Variants in PCDH11X observed in about 807,000 individuals in gnomAD.
PCDH11X encodes the protein protocadherin-11 X-linked.
Under a neutral mutation model 53.3 loss-of-function variants are expected in PCDH11X, and 18 were observed. The ratio of observed to expected loss-of-function variants is 0.34; its 90% confidence interval spans 0.23 to 0.50. The LOEUF (loss-of-function observed/expected upper bound fraction) is 0.50. Among genes scored for constraint, PCDH11X ranks in the 20% least tolerant of loss-of-function variants. The pLI is 0.98. For missense variants in PCDH11X, 570 were observed against 1,032.4 expected, an observed-to-expected ratio of 0.55 and a Z score of 6.14; for synonymous variants, 279 against 393.3, an observed-to-expected ratio of 0.71 and a Z score of 3.44.
chrX:92,110,367 A>G (rs1323366208), intron 6 of PCDH11X, among the ~76,000 whole-genome samples: 1 of 108,114 alleles, frequency 9.2e-6, no homozygotes, highest in African/African-American at 3.4e-5. Context: ...ATTTCAGTAG[A>G]CACTGTCAAC....
intron 10 of PCDH11X, among the ~76,000 whole-genome samples, chrX:92,484,553 A>G (rs748719638): frequency 9.2e-6 from 1 of 109,181 alleles, no homozygotes; most frequent in East Asian, 2.9e-4. Context: ...ACTCAGGCAT[A>G]AAAAGGAACA....
chrX:92,364,897 T>C (rs1362788252), intron 8 of PCDH11X, among the ~76,000 whole-genome samples: 2 of 60,012 alleles, frequency 3.3e-5, no homozygotes, highest in East Asian at 9.7e-4. Flanking sequence ...CTGGGAAACA[T>C]AAGAAGACCC....
At chrX:92,582,823 T>C (rs75479175) in intron 10 of PCDH11X, among the ~76,000 whole-genome samples, 28,831 of 107,317 alleles carry the variant, frequency 0.27, 3,487 homozygotes, top group Non-Finnish European at 0.34. Context: ...CTGACCAAGA[T>C]TATGGGAACT....
intron 10 of PCDH11X, among the ~76,000 whole-genome samples, chrX:92,488,131 A>G (rs1269561398): frequency 3.6e-5 from 4 of 110,127 alleles, no homozygotes; most frequent in Non-Finnish European, 7.6e-5. Flanking sequence ...ATCATATAGC[A>G]TAATGATATC....
intron 9 of PCDH11X, among the ~76,000 whole-genome samples, chrX:92,431,838 G>A (rs1023206410): frequency 7.9e-4 from 86 of 108,694 alleles, no homozygotes; most frequent in African/African-American, 2.8e-3. Context: ...ACTTAGACAA[G>A]GTTAAAATCT....
At chrX:92,069,408 C>A (rs1470494056) in intron 6 of PCDH11X, among the ~76,000 whole-genome samples, 1 of 109,883 alleles carries the variant, frequency 9.1e-6, no homozygotes, top group African/African-American at 3.3e-5. Context: ...ATTGGGTCTT[C>A]TTTTGTTTAA....
intron 6 of PCDH11X, among the ~76,000 whole-genome samples, chrX:92,064,521 AATAAATAG>A (rs1324784948): frequency 2.2e-4 from 23 of 105,208 alleles, no homozygotes; most frequent in African/African-American, 7.1e-4. Context: ...TAAATAAATA[AATAAATAG>A]TTTTGTCATG....
intron 6 of PCDH11X, among the ~76,000 whole-genome samples, chrX:91,930,737 A>G (rs1342071339): frequency 1.8e-4 from 18 of 102,815 alleles, no homozygotes; most frequent in Non-Finnish European, 3.6e-4. Flanking sequence ...TCCCAATACA[A>G]TGACAACTGT....
intron 6 of PCDH11X, among the ~76,000 whole-genome samples, chrX:91,907,151 G>A (rs1224171351): frequency 2.7e-5 from 3 of 110,859 alleles, no homozygotes; most frequent in East Asian, 5.7e-4. Flanking sequence ...TAAAAATTAT[G>A]TGTACTACCA....
intron 6 of PCDH11X, chrX:91,883,753 C>T (rs1940051210): frequency 3.4e-6 from 2 of 583,693 alleles, no homozygotes; most frequent in Non-Finnish European, 4.1e-6. Flanking sequence ...TGCAGTGAGC[C>T]GAGATGGCGC....
At chrX:92,424,872 C>T (rs34535926) in intron 9 of PCDH11X, among the ~76,000 whole-genome samples, 15,858 of 96,611 alleles carry the variant, frequency 0.16, 2,547 homozygotes, top group African/African-American at 0.21. Context: ...CTATACTGGG[C>T]TTACTACATT....
intron 6 of PCDH11X, among the ~76,000 whole-genome samples, chrX:91,936,810 A>T (rs1398663691): frequency 3.7e-5 from 4 of 108,151 alleles, no homozygotes; most frequent in African/African-American, 6.6e-5. Context: ...TCGTAATTGA[A>T]TGGGCTTAAC....
At chrX:92,267,873 G>T (rs1418400244) in intron 8 of PCDH11X, among the ~76,000 whole-genome samples, 1 of 112,030 alleles carries the variant, frequency 8.9e-6, no homozygotes, top group African/African-American at 3.2e-5. Context: ...TGGTGTGAAG[G>T]CAAGAGTGTG....
chrX:92,023,260 TAGAC>T (rs1475274728), intron 6 of PCDH11X, among the ~76,000 whole-genome samples: 6 of 106,999 alleles, frequency 5.6e-5, no homozygotes, highest in East Asian at 5.9e-4. Context: ...ATTAACAAAA[TAGAC>T]AGACCACTAG....
chrX:92,508,068 G>A (rs2074096368), intron 10 of PCDH11X, among the ~76,000 whole-genome samples: 1 of 110,921 alleles, frequency 9.0e-6, no homozygotes, highest in Non-Finnish European at 1.9e-5. Context: ...GCCGACCTCA[G>A]CCTCCCAAAA....
chrX:91,957,007 C>G (rs1448655637), intron 6 of PCDH11X, among the ~76,000 whole-genome samples: 1 of 107,393 alleles, frequency 9.3e-6, no homozygotes, highest in Non-Finnish European at 1.9e-5. Context: ...AGAAAGACAG[C>G]CTTCAAGCTC....
At chrX:92,240,854 C>A (rs2067251543) in intron 7 of PCDH11X, among the ~76,000 whole-genome samples, 1 of 107,995 alleles carries the variant, frequency 9.3e-6, no homozygotes, top group Non-Finnish European at 1.9e-5. Flanking sequence ...TTTTTTTTAG[C>A]AGTTTACTTT....
At chrX:92,582,674 G>A (rs1311210491) in intron 10 of PCDH11X, among the ~76,000 whole-genome samples, 2 of 110,778 alleles carry the variant, frequency 1.8e-5, no homozygotes, top group Admixed American at 9.6e-5. Flanking sequence ...ATAAGAAGAG[G>A]ATCACCATCC....
At chrX:91,900,220 C>T (rs926911939) in intron 6 of PCDH11X, among the ~76,000 whole-genome samples, 2 of 110,965 alleles carry the variant, frequency 1.8e-5, no homozygotes, top group African/African-American at 6.6e-5. Flanking sequence ...AGCCTGTTGA[C>T]TTAGAGGTAG....
Sources: gnomAD v4.1 joint callset for allele counts (sites outside exome capture counted in the v4.1 genomes callset) on GRCh38, gnomAD v4.1.1 for gene constraint, MANE v1.5 for transcripts, NCBI Gene and HGNC (gene_info 2026-07-23, HGNC 2026-07-21) for gene names.